The following SLC41A3 variants were observed in gnomAD, a reference collection of about 807,000 sequenced individuals.
SLC41A3 encodes the protein solute carrier family 41 member 3.
A neutral mutation model predicts 45.4 loss-of-function variants in SLC41A3; 44 were observed. The observed-to-expected ratio is 0.97, with a 90% CI of 0.76 to 1.25. The LOEUF (loss-of-function observed/expected upper bound fraction) is 1.25, where lower values mean the gene tolerates loss of function less well. Among genes scored for constraint, SLC41A3 ranks in the 50% most tolerant of loss-of-function variants. SLC41A3 has a pLI of 0.00. For missense variants in SLC41A3, 550 were observed against 600.6 expected (o/e 0.92, Z 0.88); for synonymous variants, 256 against 252.4 (o/e 1.01, Z -0.13).
intron 6 of SLC41A3, among the ~76,000 whole-genome samples, chr3:126,020,987 C>T (rs963958363): frequency 3.9e-5 from 6 of 152,030 alleles, no homozygotes; most frequent in Admixed American, 3.9e-4. Flanking sequence ...CTTCGCCTCC[C>T]AGGTTCACGC....
At chr3:126,051,874 C>A (rs554353960) in intron 2 of SLC41A3, among the ~76,000 whole-genome samples, 27 of 152,176 alleles carry the variant, frequency 1.8e-4, no homozygotes, top group Admixed American at 2.6e-4. Context: ...AGGAGAAAGG[C>A]GGCCTGGGAT....
At chr3:126,052,799 G>A (rs886065098) in intron 2 of SLC41A3, among the ~76,000 whole-genome samples, 2 of 151,804 alleles carry the variant, frequency 1.3e-5, no homozygotes, top group African/African-American at 4.8e-5. Context: ...TGTTAATACC[G>A]ATCTTCCTTC....
chr3:126,084,398 G>C (rs1309833755), upstream of SLC41A3: 1 of 152,298 alleles, frequency 6.6e-6, no homozygotes, highest in Non-Finnish European at 1.5e-5. Context: ...GGAGCGCTAC[G>C]GGAGAGGCGC....
intron 10 of SLC41A3, among the ~76,000 whole-genome samples, chr3:126,008,248 T>G (rs1296496650): frequency 6.6e-6 from 1 of 152,254 alleles, no homozygotes; most frequent in African/African-American, 2.4e-5. Flanking sequence ...ATGTGTAGTA[T>G]GCAGTGCAGT....
intron 2 of SLC41A3, chr3:126,058,261 C>T (rs952984226): frequency 1.3e-5 from 2 of 152,254 alleles, no homozygotes; most frequent in Admixed American, 1.3e-4. Context: ...GTTACATAGC[C>T]GTAGTTAACT....
At chr3:126,072,444 T>C (rs1216949130) in intron 1 of SLC41A3, among the ~76,000 whole-genome samples, 2 of 148,562 alleles carry the variant, frequency 1.3e-5, no homozygotes, top group East Asian at 1.9e-4. Flanking sequence ...CAATCCTTTA[T>C]GTAGACTGAT....
At chr3:126,039,821 A>T (rs1428074305) in intron 3 of SLC41A3, among the ~76,000 whole-genome samples, 5 of 152,226 alleles carry the variant, frequency 3.3e-5, no homozygotes, top group Non-Finnish European at 7.3e-5. Flanking sequence ...GTATTAAGGG[A>T]TCTTATCTGT....
chr3:126,037,462 G>T (rs1397645087), intron 3 of SLC41A3, among the ~76,000 whole-genome samples: 1 of 152,172 alleles, frequency 6.6e-6, no homozygotes, highest in Non-Finnish European at 1.5e-5. Flanking sequence ...CAAAGTTATT[G>T]GGAACTAGAG....
In SLC41A3 at chr3:126,074,032, A is replaced by G. The variant is rs192780894; in HGVS notation, c.-27-5786T>C. ...ATTTCAGGAATGCAAAGTTGGTTCA[A>G]TATATGAAAATCAATGTAATACACC... On this transcript the variant is annotated intron_variant, in intron 1 of 10. Transcript: ENST00000360370. 1.0e-3 allele frequency among the ~76,000 whole-genome samples: 157 copies of G among 152,266 alleles called. 1 individual carries two copies. The highest frequency in any genetic ancestry group is 3.6e-3 in the African/African-American group (150 of 41,580).
intron 3 of SLC41A3, among the ~76,000 whole-genome samples, chr3:126,035,084 G>C (rs1942084574): frequency 6.6e-6 from 1 of 152,196 alleles, no homozygotes; most frequent in Non-Finnish European, 1.5e-5. Context: ...CATCCACAGA[G>C]GTGGGAGAGA....
intron 3 of SLC41A3, among the ~76,000 whole-genome samples, chr3:126,043,124 A>G (rs1331263408): frequency 4.6e-5 from 7 of 152,152 alleles, no homozygotes; most frequent in Non-Finnish European, 1.0e-4. Context: ...TGAAAGTCAA[A>G]AACAAAAAGA....
intron 3 of SLC41A3, among the ~76,000 whole-genome samples, chr3:126,037,665 T>C (rs1942298548): frequency 6.6e-6 from 1 of 152,172 alleles, no homozygotes; most frequent in South Asian, 2.1e-4. Flanking sequence ...GGCAAATGAA[T>C]GACTAAAAGT....
chr3:126,071,530 A>T lies in SLC41A3; in HGVS notation c.-27-3284T>A, dbSNP rs926134002. 2.0e-5 allele frequency among the ~76,000 whole-genome samples: 3 copies of T among 152,236 alleles called. No individual in the cohort carries two copies. The South Asian group carries it at 6.2e-4, about 31-fold the overall frequency. On this transcript the variant is annotated intron_variant, in intron 1 of 10. Coordinates refer to ENST00000360370, the MANE Select transcript of SLC41A3 (RefSeq NM_017836.4). Reference sequence around the variant, plus strand: ...ACAAAAGAAAGAGGACTTCAACAACATTATAAACCAATTAGATCAAACACA... The same window carrying T: ...ACAAAAGAAAGAGGACTTCAACAACTTTATAAACCAATTAGATCAAACACA...
At chr3:126,088,530 A>T (rs546632818), upstream of SLC41A3, among the ~76,000 whole-genome samples, 42 of 152,340 alleles carry the variant, frequency 2.8e-4, no homozygotes, top group African/African-American at 1.0e-3. Context: ...TGATTTTGCC[A>T]GAAAAGGAAA....
chr3:126,006,743 C>A lies in SLC41A3; in HGVS notation c.*273G>T. ...TTCTCAGGCCAGAACACCCTCCTCT[C>A]CACAAACGTGTGCACACTTGCACGC... On this transcript the variant is annotated 3_prime_UTR_variant, in exon 11 of 11. Transcript: ENST00000360370. 1 of 1,445,642 alleles carries A rather than the reference C, an allele frequency of 6.9e-7. No individual in the cohort carries two copies. 89.6% of individuals were successfully genotyped at this position (1,445,642 alleles called of 1,614,324 possible). A position where few individuals can be genotyped will look rare whatever the true frequency, so the allele number is the denominator to read the frequency against.
intron 3 of SLC41A3, among the ~76,000 whole-genome samples, chr3:126,047,577 A>G (rs1309561279): frequency 3.3e-5 from 5 of 152,214 alleles, no homozygotes; most frequent in Non-Finnish European, 7.3e-5. Flanking sequence ...ATGGAATAAA[A>G]TATCCTGGAA....
intron 1 of SLC41A3, among the ~76,000 whole-genome samples, chr3:126,075,943 A>T (rs1389040784): frequency 2.0e-5 from 3 of 152,226 alleles, no homozygotes; most frequent in Non-Finnish European, 4.4e-5. Flanking sequence ...CTTAGATGTG[A>T]TATCTGAAGT....
chr3:126,072,942 A>G (rs1175638514), intron 1 of SLC41A3, among the ~76,000 whole-genome samples: 1 of 152,228 alleles, frequency 6.6e-6, no homozygotes, highest in African/African-American at 2.4e-5. Flanking sequence ...CAGCCATGAA[A>G]AAACAAGATC....
rs1408885466 is a variant in SLC41A3 at position 126,096,247 on chromosome 3, A to AATCTG, written c.-79+5177_-79+5181dup. Among the ~76,000 whole-genome samples, 7 of 152,364 alleles carry AATCTG rather than the reference A, an allele frequency of 4.6e-5. No homozygotes were observed. The East Asian group carries it at 7.7e-4, about 17-fold the overall frequency. ...TGATTTCAATGATTATTATGCTTTT[A>AATCTG]ATCTGTGTTGTTGTTTTTCTTTGTA... On this transcript the variant is annotated intron_variant, in intron 1 of 9. Coordinates refer to the SLC41A3 transcript ENST00000508835.
Sources: allele counts gnomAD v4.1 joint callset (sites outside exome capture counted in the v4.1 genomes callset), GRCh38; gene constraint gnomAD v4.1.1; transcripts MANE v1.5; gene names NCBI Gene and HGNC (gene_info 2026-07-23, HGNC 2026-07-21).